The following RBFOX1 variants were observed in gnomAD, a reference collection of about 807,000 sequenced individuals.
The protein encoded by RBFOX1 is RNA binding fox-1 homolog 1, also known as RNA binding protein fox-1 homolog 1.
In RBFOX1, 8 loss-of-function variants were observed where a neutral mutation model predicts 57.7. The ratio of observed to expected loss-of-function variants is 0.14; its 90% CI spans 0.08 to 0.25. The LOEUF is 0.25. Among genes scored for constraint, RBFOX1 ranks in the 10% least tolerant of loss-of-function variants. The pLI, the probability that RBFOX1 is intolerant of heterozygous loss-of-function variation, is 1.00. For synonymous variants in RBFOX1, 326 were observed against 222.4 expected (o/e 1.47, Z -4.15); for missense variants, 611 against 548.5 (o/e 1.11, Z -1.14).
intron 4 of RBFOX1, among the ~76,000 whole-genome samples, chr16:5,934,170 T>C (rs1360847455): frequency 6.6e-6 from 1 of 152,250 alleles, no homozygotes; most frequent in Non-Finnish European, 1.5e-5. Flanking sequence ...ATAAGGAACA[T>C]GCTGCTGTTT....
chr16:6,977,109 A>G (rs529865678), intron 3 of RBFOX1, among the ~76,000 whole-genome samples: 53 of 142,184 alleles, frequency 3.7e-4, no homozygotes, highest in Non-Finnish European at 6.7e-4. Context: ...TATCATATAT[A>G]TGATCTATAT....
chr16:7,006,258 G>C (rs778733540), intron 3 of RBFOX1, among the ~76,000 whole-genome samples: 1 of 152,050 alleles, frequency 6.6e-6, no homozygotes, highest in Non-Finnish European at 1.5e-5. Context: ...AGGTCCAAGC[G>C]ATTCTCCTGT....
At chr16:7,042,476 C>G (rs145902403) in intron 3 of RBFOX1, among the ~76,000 whole-genome samples, 140 of 152,286 alleles carry the variant, frequency 9.2e-4, no homozygotes, top group African/African-American at 3.2e-3. Flanking sequence ...TAAAATGGAG[C>G]TAAAATCAAA....
At chr16:7,119,331 T>C (rs1394630929) in intron 4 of RBFOX1, among the ~76,000 whole-genome samples, 4 of 152,100 alleles carry the variant, frequency 2.6e-5, no homozygotes, top group African/African-American at 4.8e-5. Flanking sequence ...TATTGAGTCA[T>C]CAGACTTGTG....
intron 2 of RBFOX1, among the ~76,000 whole-genome samples, chr16:6,507,834 A>C (rs1020685238): frequency 2.1e-4 from 32 of 151,882 alleles, no homozygotes; most frequent in African/African-American, 7.2e-4. Context: ...GGGAATGGGG[A>C]ATGGGGGTTT....
intron 1 of RBFOX1, among the ~76,000 whole-genome samples, chr16:6,296,173 C>T (rs1253183271): frequency 6.6e-6 from 1 of 152,304 alleles, no homozygotes; most frequent in Non-Finnish European, 1.5e-5. Flanking sequence ...AGACCTCATC[C>T]ATGGATTTAG....
intron 2 of RBFOX1, among the ~76,000 whole-genome samples, chr16:6,647,985 G>T (rs935960835): frequency 1.3e-5 from 2 of 152,062 alleles, no homozygotes; most frequent in African/African-American, 2.4e-5. Context: ...GGAATTACAC[G>T]TGTGTGCCAC....
chr16:6,995,740 C>T (rs1323999195), intron 3 of RBFOX1, among the ~76,000 whole-genome samples: 1 of 151,806 alleles, frequency 6.6e-6, no homozygotes, highest in Non-Finnish European at 1.5e-5. Flanking sequence ...CAGCCTGGGC[C>T]ATAGAGTGAG....
At chr16:5,419,112 C>T (rs375408582) in intron 1 of RBFOX1, among the ~76,000 whole-genome samples, 7 of 152,200 alleles carry the variant, frequency 4.6e-5, no homozygotes, top group African/African-American at 1.7e-4. Flanking sequence ...TGCCATTGTT[C>T]CCTGGTGTGG....
rs530469618 is a variant in RBFOX1 at position 7,454,226 on chromosome 16, C to T, written c.28-63921C>T. ...CCAGCCTGGGCAGGAGGGCGAGACTCCGTCCCCCACCAACCCCCCCAAAAA... is the reference window on the plus strand; with the variant it reads ...CCAGCCTGGGCAGGAGGGCGAGACTTCGTCCCCCACCAACCCCCCCAAAAA... On this transcript the variant is annotated intron_variant, in intron 4 of 15. Transcript: ENST00000550418. 6.6e-5 allele frequency among the ~76,000 whole-genome samples: 10 copies of T among 152,264 alleles called. 1 individual carries two copies. The East Asian group carries it at 1.9e-3, about 30-fold the overall frequency.
rs548535198 is a variant in RBFOX1 at position 7,005,156 on chromosome 16, A to G, written c.-15-46901A>G. 3.5e-4 allele frequency among the ~76,000 whole-genome samples: 53 copies of G among 151,746 alleles called. 1 individual carries two copies. Among genetic ancestry groups the G allele is most frequent in the African/African-American group, 1.3e-3 (52 of 41,160 alleles). On this transcript the variant is annotated intron_variant, in intron 3 of 15. Coordinates refer to ENST00000550418, the MANE Select transcript of RBFOX1 (RefSeq NM_018723.4). ...CGAGATTCCATCTCAAAAACAAAAA[A>G]CGAAAAAAAACCCAAAACTAAACAA...
chr16:6,100,551 T>C (rs1409462049), intron 1 of RBFOX1, among the ~76,000 whole-genome samples: 2 of 152,210 alleles, frequency 1.3e-5, no homozygotes, highest in Admixed American at 6.5e-5. Context: ...TAGACTTTGA[T>C]TGAAGGTGCA....
chr16:7,327,739 C>A (rs946856932), intron 4 of RBFOX1, among the ~76,000 whole-genome samples: 2 of 152,062 alleles, frequency 1.3e-5, no homozygotes, highest in Non-Finnish European at 2.9e-5. Context: ...CTCAACATGC[C>A]TAGATCTTCC....
intron 3 of RBFOX1, among the ~76,000 whole-genome samples, chr16:6,661,416 A>G (rs2098700801): frequency 6.6e-6 from 1 of 152,186 alleles, no homozygotes; most frequent in African/African-American, 2.4e-5. Context: ...AGATTGGCTA[A>G]AGGAGAGACT....
chr16:6,375,865 C>T (rs188792427), intron 2 of RBFOX1, among the ~76,000 whole-genome samples: 13 of 152,276 alleles, frequency 8.5e-5, no homozygotes, highest in Admixed American at 5.9e-4. Flanking sequence ...AACACACTCC[C>T]TTCTTGGCCA....
At chr16:6,533,777 T>C (rs997506627) in intron 2 of RBFOX1, among the ~76,000 whole-genome samples, 7 of 152,116 alleles carry the variant, frequency 4.6e-5, no homozygotes, top group African/African-American at 1.7e-4. Context: ...CGAAAGCCCC[T>C]GGAAGGGAAC....
At chr16:7,171,954 G>T (rs1156949227) in intron 4 of RBFOX1, among the ~76,000 whole-genome samples, 2 of 152,202 alleles carry the variant, frequency 1.3e-5, no homozygotes, top group African/African-American at 4.8e-5. Flanking sequence ...TGGGCACGGG[G>T]TCTGTGCCTG....
At chr16:6,234,296 C>T (rs566557816) in intron 1 of RBFOX1, among the ~76,000 whole-genome samples, 7 of 152,278 alleles carry the variant, frequency 4.6e-5, no homozygotes, top group South Asian at 2.1e-4. Context: ...TGTTATCTAT[C>T]GAAAAGCAAG....
intron 4 of RBFOX1, among the ~76,000 whole-genome samples, chr16:5,895,895 C>A (rs1482516488): frequency 6.6e-6 from 1 of 152,108 alleles, no homozygotes; most frequent in East Asian, 1.9e-4. Flanking sequence ...ATCATGTTCC[C>A]AAGAGGCACA....
Sources: gnomAD v4.1 joint callset for allele counts (sites outside exome capture counted in the v4.1 genomes callset) on GRCh38, gnomAD v4.1.1 for gene constraint, MANE v1.5 for transcripts, NCBI Gene and HGNC (gene_info 2026-07-23, HGNC 2026-07-21) for gene names.